LGR4: variants seen among roughly 807,000 people sequenced by gnomAD.
The protein encoded by LGR4 is leucine rich repeat containing G protein-coupled receptor 4, also known as leucine-rich repeat-containing G protein-coupled receptor 4.
Under a neutral mutation model 84.8 loss-of-function variants are expected in LGR4, and 44 were observed. That is an observed-to-expected ratio of 0.52 (90% CI 0.41 to 0.67). LGR4 has a LOEUF of 0.67. Among genes scored for constraint, LGR4 ranks in the 30% least tolerant of loss-of-function variants. The pLI is 0.00. For synonymous variants in LGR4, 429 were observed against 434.3 expected, an observed-to-expected ratio of 0.99 and a Z score of 0.15; for missense variants, 1,032 against 1,131.4, an observed-to-expected ratio of 0.91 and a Z score of 1.26.
chr11:27,448,843 G>T (rs1364600330), intron 1 of LGR4, among the ~76,000 whole-genome samples: 4 of 152,182 alleles, frequency 2.6e-5, no homozygotes, highest in African/African-American at 9.6e-5. Context: ...CCTGAGGACA[G>T]AAGTATTGCC....
Position 27,371,617 on chromosome 11 carries a change from G to C in LGR4, c.1577C>G (p.Thr526Arg), listed in dbSNP as rs1284806866. Residue 526 changes from threonine to arginine, a missense_variant and splice_region_variant, in exon 17 of 18, where the codon ACA becomes AGA. Coordinates refer to ENST00000379214, the MANE Select transcript of LGR4 (RefSeq NM_018490.5). ...GTGAAAAAATAGGCCAGGCATACCTGTTGAAGGTGTACAATGGATAATTAT... is the reference window on the plus strand; with the variant it reads ...GTGAAAAAATAGGCCAGGCATACCTCTTGAAGGTGTACAATGGATAATTAT... ...SQIIIHCTPS[T>R]GAFKPCEYLL... The C allele has an allele frequency of 6.2e-7, 1 of 1,607,780 alleles. No homozygotes were observed. The highest frequency in any genetic ancestry group is 1.1e-5 in the South Asian group (1 of 90,182).
At chr11:27,445,251 C>T (rs889295042) in intron 1 of LGR4, among the ~76,000 whole-genome samples, 4 of 152,112 alleles carry the variant, frequency 2.6e-5, no homozygotes, top group Admixed American at 6.5e-5. Flanking sequence ...CCTATGGACA[C>T]GTGCGGGCCA....
chr11:27,432,169 C>G (rs1405395865), intron 1 of LGR4, among the ~76,000 whole-genome samples: 1 of 152,124 alleles, frequency 6.6e-6, no homozygotes, highest in East Asian at 1.9e-4. Flanking sequence ...GAGCACTAAC[C>G]CTACTTAAGA....
chr11:27,415,989 A>G, intron 1 of LGR4, among the ~76,000 whole-genome samples: 1 of 152,180 alleles, frequency 6.6e-6, no homozygotes, highest in East Asian at 1.9e-4. Context: ...ATGAGGCTCA[A>G]AAGCCATATA....
intron 1 of LGR4, among the ~76,000 whole-genome samples, chr11:27,421,919 G>A (rs951629904): frequency 2.6e-5 from 4 of 152,160 alleles, no homozygotes; most frequent in African/African-American, 9.7e-5. Flanking sequence ...TTACTTTCCT[G>A]TCTCTAATTT....
At chr11:27,436,427 A>G (rs1448315992) in intron 1 of LGR4, among the ~76,000 whole-genome samples, 2 of 151,974 alleles carry the variant, frequency 1.3e-5, no homozygotes, top group Non-Finnish European at 2.9e-5. Context: ...GGAAGGAAAG[A>G]AACTGTCAGG....
chr11:27,430,294 C>T (rs549162864), intron 1 of LGR4, among the ~76,000 whole-genome samples: 1 of 152,192 alleles, frequency 6.6e-6, no homozygotes, highest in Admixed American at 6.5e-5. Flanking sequence ...TGAGTCACTA[C>T]ATGCCAACAA....
chr11:27,414,436 C>T (rs1358666267), intron 1 of LGR4, among the ~76,000 whole-genome samples: 1 of 151,802 alleles, frequency 6.6e-6, no homozygotes, highest in Non-Finnish European at 1.5e-5. Context: ...CCAGGAATAG[C>T]TTTAGCAATT....
chr11:27,380,375 A>T (rs1236003526), intron 9 of LGR4, 36 bp from the exon 10 acceptor site: 8 of 1,490,222 alleles, frequency 5.4e-6, no homozygotes, highest in African/African-American at 2.8e-5. Context: ...TAATTTTTAA[A>T]TTTTTTTTCA....
chr11:27,396,685 C>T (rs1333806091), intron 2 of LGR4, among the ~76,000 whole-genome samples: 4 of 152,162 alleles, frequency 2.6e-5, no homozygotes, highest in Non-Finnish European at 5.9e-5. Flanking sequence ...TTCGTAGCTT[C>T]TCACTACTTC....
At chr11:27,389,136 A>C (rs938520570) in intron 4 of LGR4, among the ~76,000 whole-genome samples, 1 of 152,144 alleles carries the variant, frequency 6.6e-6, no homozygotes, top group Non-Finnish European at 1.5e-5. Flanking sequence ...GATTTTCAAA[A>C]TGACTCAAGT....
At chr11:27,375,999 G>T (rs1248287543) in intron 13 of LGR4, among the ~76,000 whole-genome samples, 2 of 145,184 alleles carry the variant, frequency 1.4e-5, no homozygotes, top group African/African-American at 2.6e-5. Flanking sequence ...TTTTTGAGAC[G>T]GAGTTTCACT....
At chr11:27,446,900 C>T (rs897786090) in intron 1 of LGR4, among the ~76,000 whole-genome samples, 2 of 151,962 alleles carry the variant, frequency 1.3e-5, no homozygotes, top group Non-Finnish European at 2.9e-5. Context: ...ATGGATGAAG[C>T]TGGAAACCAT....
Position 27,387,111 on chromosome 11 carries a change from T to C in LGR4, c.402-1643A>G, listed in dbSNP as rs115362944. On this transcript the variant is annotated intron_variant, in intron 4 of 17. Coordinates refer to ENST00000379214, the MANE Select transcript of LGR4 (RefSeq NM_018490.5). Reference sequence around the variant, plus strand: ...AGAAAAAGACTTAAATACATAATCATACAATTAAGCATATTATATAAATAA... The same window carrying C: ...AGAAAAAGACTTAAATACATAATCACACAATTAAGCATATTATATAAATAA... Among the ~76,000 whole-genome samples, 726 of 152,314 alleles carry C rather than the reference T, an allele frequency of 4.8e-3. 7 individuals are homozygous for C. Among genetic ancestry groups the C allele is most frequent in the African/African-American group, 0.017 (698 of 41,574 alleles).
chr11:27,449,679 A>C (rs1356447617), intron 1 of LGR4, among the ~76,000 whole-genome samples: 1 of 152,168 alleles, frequency 6.6e-6, no homozygotes, highest in African/African-American at 2.4e-5. Context: ...AAATAAAAAT[A>C]AAGTTTAAAA....
In LGR4 at chr11:27,367,236, T is replaced by A. The variant is rs925469868; in HGVS notation, c.*631A>T. 6.6e-6 allele frequency: 1 copy of A among 152,332 alleles called. No homozygotes were observed. Among genetic ancestry groups the A allele is most frequent in the Admixed American group, 6.5e-5 (1 of 15,290 alleles). The allele number at this position is 152,332 out of a possible 1,614,324, so 9.4% of individuals were successfully genotyped here. ...GAAAACAAATGTCCAGCTATTTTTT[T>A]AACCTAACAGCTGTTAATATTGTTT... On this transcript the variant is annotated 3_prime_UTR_variant, in exon 18 of 18. Coordinates refer to ENST00000379214, the MANE Select transcript of LGR4 (RefSeq NM_018490.5).
intron 1 of LGR4, among the ~76,000 whole-genome samples, chr11:27,436,838 G>C (rs1194994856): frequency 3.3e-5 from 5 of 152,030 alleles, no homozygotes; most frequent in Non-Finnish European, 7.4e-5. Flanking sequence ...TCTTACGCTT[G>C]CAAATCTTGA....
intron 1 of LGR4, among the ~76,000 whole-genome samples, chr11:27,415,809 G>A (rs4565858): frequency 0.052 from 7,888 of 152,024 alleles, 248 homozygotes; most frequent in Middle Eastern, 0.095. Flanking sequence ...GTATAGTTGC[G>A]TGGGTATCCA....
At chr11:27,447,098 C>T (rs112385845) in intron 1 of LGR4, among the ~76,000 whole-genome samples, 2,976 of 151,956 alleles carry the variant, frequency 0.02, 83 homozygotes, top group African/African-American at 0.064. Context: ...GACAAGTTAA[C>T]GGGTGCAGCA....
Sources: gnomAD v4.1 joint callset for allele counts (sites outside exome capture counted in the v4.1 genomes callset) on GRCh38, gnomAD v4.1.1 for gene constraint, MANE v1.5 for transcripts, NCBI Gene and HGNC (gene_info 2026-07-23, HGNC 2026-07-21) for gene names.